Variants in DOK6 observed in about 807,000 individuals in gnomAD.
DOK6 encodes the protein downstream of tyrosine kinase 6.
In DOK6, 22 loss-of-function variants were observed where a neutral mutation model predicts 44.0. The ratio of observed to expected loss-of-function variants is 0.50; its 90% CI spans 0.36 to 0.71. The LOEUF (loss-of-function observed/expected upper bound fraction) is 0.71, where lower values mean the gene tolerates loss of function less well. Ranked by LOEUF, DOK6 falls within the 30% of genes least tolerant of loss-of-function variation. The pLI is 0.00. For synonymous variants in DOK6, 166 were observed against 145.5 expected, an observed-to-expected ratio of 1.14 and a Z score of -1.01; for missense variants, 340 against 416.4, an observed-to-expected ratio of 0.82 and a Z score of 1.60.
intron 1 of DOK6, among the ~76,000 whole-genome samples, chr18:69,517,284 C>A (rs1164742235): frequency 2.6e-5 from 4 of 152,072 alleles, no homozygotes; most frequent in Non-Finnish European, 5.9e-5. Context: ...TGAATTAGAT[C>A]TCCATATGAC....
chr18:69,468,568 G>A (rs1979994548), intron 1 of DOK6, among the ~76,000 whole-genome samples: 2 of 152,180 alleles, frequency 1.3e-5, no homozygotes, highest in Admixed American at 6.5e-5. Flanking sequence ...TTCCTACATA[G>A]TCTGTCAGTT....
At chr18:69,427,924 C>T (rs1306000130) in intron 1 of DOK6, among the ~76,000 whole-genome samples, 2 of 151,856 alleles carry the variant, frequency 1.3e-5, no homozygotes, top group Non-Finnish European at 2.9e-5. Flanking sequence ...ATTATAAGTG[C>T]CCACCACCAC....
At chr18:69,430,491 A>G (rs567443061) in intron 1 of DOK6, among the ~76,000 whole-genome samples, 1 of 152,336 alleles carries the variant, frequency 6.6e-6, no homozygotes, top group African/African-American at 2.4e-5. Context: ...ACGATAAAGA[A>G]GTTAGTTGGA....
intron 3 of DOK6, among the ~76,000 whole-genome samples, chr18:69,626,858 C>T (rs1034681627): frequency 1.3e-5 from 2 of 152,134 alleles, no homozygotes; most frequent in African/African-American, 2.4e-5. Flanking sequence ...ATTTCTGTCT[C>T]AAAGAGGCAG....
At chr18:69,591,727 A>C (rs1983626299) in intron 2 of DOK6, among the ~76,000 whole-genome samples, 1 of 152,184 alleles carries the variant, frequency 6.6e-6, no homozygotes, top group African/African-American at 2.4e-5. Context: ...TAAAAGACTC[A>C]TTAAAAGTTG....
In DOK6 at chr18:69,401,079, A is replaced by G. The variant is rs1419524331; in HGVS notation, c.-166A>G. 8.7e-6 allele frequency: 4 copies of G among 461,616 alleles called. No individual in the cohort carries two copies. Among genetic ancestry groups the G allele is most frequent in the Non-Finnish European group, 1.3e-5 (4 of 315,436 alleles). 28.6% of individuals were successfully genotyped at this position (461,616 alleles called of 1,614,324 possible). Reference sequence around the variant, plus strand: ...CGTTCCCCGTCCGCGGCGGCCCTGCAGGCGACCCCGCGTCCCCACCGGCGG... The same window carrying G: ...CGTTCCCCGTCCGCGGCGGCCCTGCGGGCGACCCCGCGTCCCCACCGGCGG... On this transcript the variant is annotated 5_prime_UTR_variant, in exon 1 of 8. Transcript: ENST00000382713.
At chr18:69,427,411 A>G (rs1156975434) in intron 1 of DOK6, among the ~76,000 whole-genome samples, 3 of 152,228 alleles carry the variant, frequency 2.0e-5, no homozygotes, top group African/African-American at 7.2e-5. Flanking sequence ...CATTGTGCAA[A>G]TCAAAACCAC....
At chr18:69,817,547 C>A (rs1373245446) in intron 7 of DOK6, among the ~76,000 whole-genome samples, 1 of 152,104 alleles carries the variant, frequency 6.6e-6, no homozygotes, top group African/African-American at 2.4e-5. Flanking sequence ...AGGGCCATTC[C>A]TTTGTGTGTG....
chr18:69,550,747 ATTTG>A lies in DOK6; in HGVS notation c.67-13732_67-13729del, dbSNP rs1265027984. Among the ~76,000 whole-genome samples, 6 of 125,694 alleles carry A rather than the reference ATTTG, an allele frequency of 4.8e-5. No individual in the cohort carries two copies. The South Asian group carries it at 1.3e-3, about 27-fold the overall frequency. 82.5% of individuals were successfully genotyped at this position (125,694 alleles called of 152,430 possible). The stretch of plus-strand genomic sequence containing the variant: ...TATTGACAGTTTCTTAAGTTTTTTT[ATTTG>A]TTTGTTTTGTTGTTGTTGTTTCTTT... On this transcript the variant is annotated intron_variant, in intron 1 of 7. Transcript: ENST00000382713.
intron 7 of DOK6, among the ~76,000 whole-genome samples, chr18:69,783,443 C>A (rs1421725332): frequency 6.6e-6 from 1 of 152,190 alleles, no homozygotes; most frequent in African/African-American, 2.4e-5. Context: ...AATTCCACCT[C>A]TTCCTTTTTG....
chr18:69,566,387 C>T (rs1026383238), intron 2 of DOK6, among the ~76,000 whole-genome samples: 4 of 152,268 alleles, frequency 2.6e-5, no homozygotes, highest in South Asian at 2.1e-4. Context: ...CCGCCCGCCT[C>T]GGCCTCCCAA....
At chr18:69,732,477 A>G (rs1978442895) in intron 5 of DOK6, among the ~76,000 whole-genome samples, 1 of 152,200 alleles carries the variant, frequency 6.6e-6, no homozygotes, top group African/African-American at 2.4e-5. Flanking sequence ...TTTGAGGCAT[A>G]AAGATAAATA....
At chr18:69,498,990 C>G (rs142242154) in intron 1 of DOK6, among the ~76,000 whole-genome samples, 283 of 152,280 alleles carry the variant, frequency 1.9e-3, no homozygotes, top group African/African-American at 6.3e-3. Context: ...TTTAAAGGCT[C>G]TGTAACTATA....
At chr18:69,778,023 C>T (rs910939492) in intron 7 of DOK6, 2 of 152,020 alleles carry the variant, frequency 1.3e-5, no homozygotes, top group Non-Finnish European at 2.9e-5. Context: ...ATAAATGCTT[C>T]ACACAAATAA....
intron 1 of DOK6, among the ~76,000 whole-genome samples, chr18:69,527,120 T>A (rs747312925): frequency 2.0e-5 from 3 of 152,224 alleles, no homozygotes; most frequent in Non-Finnish European, 2.9e-5. Context: ...TCGATTAGAT[T>A]CAGCACATAT....
rs116030865 is a variant in DOK6, at chr18:69,448,921, A to G, written c.66+47611A>G. ...GCCACATTTTTCAAAAGTAGAATAT[A>G]TCAAAATGCATGTTATATAGAGAGT... On this transcript the variant is annotated intron_variant, in intron 1 of 7. Coordinates refer to ENST00000382713, the MANE Select transcript of DOK6 (RefSeq NM_152721.6). Among the ~76,000 whole-genome samples the G allele has an allele frequency of 6.5e-3, 992 of 152,372 alleles. 11 individuals are homozygous for G. The highest frequency in any genetic ancestry group is 0.022 in the African/African-American group (902 of 41,580).
At chr18:69,516,738 C>T (rs1218727542) in intron 1 of DOK6, among the ~76,000 whole-genome samples, 3 of 151,662 alleles carry the variant, frequency 2.0e-5, no homozygotes, top group Admixed American at 6.6e-5. Flanking sequence ...TGCAGTGGCA[C>T]GATCTTGGCT....
chr18:69,829,894 C>T (rs553321095), intron 7 of DOK6, among the ~76,000 whole-genome samples: 10 of 151,760 alleles, frequency 6.6e-5, no homozygotes, highest in African/African-American at 1.2e-4. Context: ...CTTTTATATC[C>T]GTTAGGTGGG....
chr18:69,467,932 T>TA (rs1320327166), intron 1 of DOK6, among the ~76,000 whole-genome samples: 1 of 152,164 alleles, frequency 6.6e-6, no homozygotes, highest in Non-Finnish European at 1.5e-5. Context: ...AATTGTATTG[T>TA]AAATAATAGC....
Sources: gnomAD v4.1 joint callset for allele counts (sites outside exome capture counted in the v4.1 genomes callset) on GRCh38, gnomAD v4.1.1 for gene constraint, MANE v1.5 for transcripts, NCBI Gene and HGNC (gene_info 2026-07-23, HGNC 2026-07-21) for gene names.